Variants in AGAP1 observed in about 807,000 individuals in gnomAD.
AGAP1 encodes the protein ArfGAP with GTPase domain, ankyrin repeat and PH domain 1, also known as arf-GAP with GTPase, ANK repeat and PH domain-containing protein 1.
AGAP1 carries 29 observed loss-of-function variants against 105.3 expected under a neutral mutation model. That is an observed-to-expected ratio of 0.28 (90% confidence interval 0.21 to 0.38). AGAP1 has a LOEUF of 0.38. Among genes scored for constraint, AGAP1 ranks in the 10% least tolerant of loss-of-function variants. The pLI, the probability that AGAP1 is intolerant of heterozygous loss-of-function variation, is 1.00. For missense variants in AGAP1, 998 were observed against 1,165.1 expected (o/e 0.86, Z 2.09); for synonymous variants, 509 against 485.9 (o/e 1.05, Z -0.63).
chr2:235,932,470 T>C (rs2125161873), intron 12 of AGAP1, among the ~76,000 whole-genome samples: 1 of 152,344 alleles, frequency 6.6e-6, no homozygotes, highest in African/African-American at 2.4e-5. Flanking sequence ...TACTATTTGA[T>C]AAGGTTTCAT....
chr2:235,717,793 C>T (rs927691436), intron 3 of AGAP1, 149 bp downstream of exon 3: 1 of 678,576 alleles, frequency 1.5e-6, no homozygotes, highest in South Asian at 2.0e-5. Flanking sequence ...TATGTGGTTT[C>T]TTCTGTAGTA....
rs979479799 is a variant in AGAP1, at chr2:235,936,680, T to C, written c.1483+5757T>C. 2.0e-5 allele frequency among the ~76,000 whole-genome samples: 3 copies of C among 152,144 alleles called. No homozygotes were observed. Among genetic ancestry groups the C allele is most frequent in the Non-Finnish European group, 4.4e-5 (3 of 68,026 alleles). On this transcript the variant is annotated intron_variant, in intron 12 of 17. Transcript: ENST00000304032. The surrounding 1 kb of genome is among the most constrained non-coding windows in gnomAD (Gnocchi z 4.7). ...GTGTATGACCAGCAGGCGGCGGTAATGTGATACTGCCGGTCTCTGACCTGG... is the reference window on the plus strand; with the variant it reads ...GTGTATGACCAGCAGGCGGCGGTAACGTGATACTGCCGGTCTCTGACCTGG...
rs1242621830 is a variant in AGAP1, at chr2:236,000,795, CT to C, written c.1645+32173del. On this transcript the variant is annotated intron_variant, in intron 13 of 17. Transcript: ENST00000304032. This position sits in a 1 kb window ranked among gnomAD's most constrained non-coding sequence, Gnocchi z 4.3. ...CCACTAAGGGGGGCGGAGAAGACCCCTGACAGCAAGAAGGAGCCCCACTTGT... is the reference window on the plus strand; with the variant it reads ...CCACTAAGGGGGGCGGAGAAGACCCCGACAGCAAGAAGGAGCCCCACTTGT... 6.6e-6 allele frequency among the ~76,000 whole-genome samples: 1 copy of C among 152,228 alleles called. No individual in the cohort carries two copies.
At chr2:235,848,043 T>TG (rs1224240287) in intron 9 of AGAP1, among the ~76,000 whole-genome samples, 3 of 152,206 alleles carry the variant, frequency 2.0e-5, no homozygotes, top group Admixed American at 6.5e-5. Flanking sequence ...GAGTGATACC[T>TG]TTTTCTAGGC....
At chr2:235,653,324 T>C (rs1023980492) in intron 1 of AGAP1, among the ~76,000 whole-genome samples, 13 of 151,402 alleles carry the variant, frequency 8.6e-5, no homozygotes, top group African/African-American at 2.2e-4. Flanking sequence ...ATTAGCCTGG[T>C]GTGGTGGCGG....
intron 9 of AGAP1, among the ~76,000 whole-genome samples, chr2:235,825,170 G>C (rs1192978535): frequency 2.6e-5 from 4 of 152,240 alleles, no homozygotes; most frequent in African/African-American, 9.6e-5. Flanking sequence ...AGCCTCCCAG[G>C]CTTCCTGGAT....
At chr2:235,726,361 C>T (rs192720471) in intron 3 of AGAP1, among the ~76,000 whole-genome samples, 19 of 152,286 alleles carry the variant, frequency 1.2e-4, no homozygotes, top group South Asian at 2.1e-4. Flanking sequence ...AGAAACCTCA[C>T]GGCATCAGAT....
chr2:235,962,046 G>GGTTTT lies in AGAP1; in HGVS notation c.1484-6381_1484-6377dup, dbSNP rs72183486. 0.083 allele frequency among the ~76,000 whole-genome samples: 12,432 copies of GGTTTT among 150,590 alleles called. 620 individuals are homozygous for GGTTTT. Among genetic ancestry groups the GGTTTT allele is most frequent in the Middle Eastern group, 0.15 (45 of 292 alleles). ...CTTCTGATGGATGCTTTTGGTTTTT[G>GGTTTT]GTTTTGTTTTGTTTTGTTTTGTTTT... On this transcript the variant is annotated intron_variant, in intron 12 of 17. Coordinates refer to ENST00000304032, the MANE Select transcript of AGAP1 (RefSeq NM_001037131.3). The surrounding 1 kb of genome is among the most constrained non-coding windows in gnomAD (Gnocchi z 5.3).
Position 235,692,097 on chromosome 2 carries a change from G to A in AGAP1, c.164-17082G>A, listed in dbSNP as rs997869674. ...CAAAATAAATTCAGACCCCAAGTGCGCATATTGAGTTTGAATATTCATCTA... is the reference window on the plus strand; with the variant it reads ...CAAAATAAATTCAGACCCCAAGTGCACATATTGAGTTTGAATATTCATCTA... On this transcript the variant is annotated intron_variant, in intron 1 of 17. Coordinates refer to ENST00000304032, the MANE Select transcript of AGAP1 (RefSeq NM_001037131.3). This position sits in a 1 kb window ranked among gnomAD's most constrained non-coding sequence, Gnocchi z 5.8. 3.9e-5 allele frequency among the ~76,000 whole-genome samples: 6 copies of A among 152,090 alleles called. No homozygotes were observed. The highest frequency in any genetic ancestry group is 2.0e-4 in the Admixed American group (3 of 15,252).
chr2:235,777,147 A>T lies in AGAP1; in HGVS notation c.674-20612A>T. ...GCCAAGGCGGGTGGATCACGAGGTC[A>T]GGAGATCGAGACCATCCTGGCTAAC... is the stretch of plus-strand genomic sequence containing the variant. On this transcript the variant is annotated intron_variant, in intron 6 of 17. Transcript: ENST00000304032. The surrounding 1 kb of genome is among the most constrained non-coding windows in gnomAD (Gnocchi z 5.1). 1 of 444,304 alleles carries T rather than the reference A, an allele frequency of 2.3e-6. No homozygotes were observed. Among genetic ancestry groups the T allele is most frequent in the South Asian group, 1.7e-5 (1 of 59,636 alleles). 27.5% of individuals were successfully genotyped at this position (444,304 alleles called of 1,614,324 possible).
At position 235,720,578 on chromosome 2, in the gene AGAP1, C is replaced by T. The variant is rs1034523335; in HGVS notation, c.310+2934C>T. On this transcript the variant is annotated intron_variant, in intron 3 of 17. Coordinates refer to ENST00000304032, the MANE Select transcript of AGAP1 (RefSeq NM_001037131.3). This position sits in a 1 kb window ranked among gnomAD's most constrained non-coding sequence, Gnocchi z 5.0. ...TCTCATCAGACCTCCTTTCCTCTTA[C>T]AACTGCTAGAGCGATCAACTGGGCA... The T allele has an allele frequency of 1.0e-5, 8 of 790,140 alleles. No homozygotes were observed. The African/African-American group carries it at 1.3e-4, about 13-fold the overall frequency. 48.9% of individuals were successfully genotyped at this position (790,140 alleles called of 1,614,324 possible).
intron 9 of AGAP1, among the ~76,000 whole-genome samples, chr2:235,850,214 T>C (rs576904537): frequency 6.6e-6 from 1 of 152,338 alleles, no homozygotes; most frequent in Admixed American, 6.5e-5. Flanking sequence ...GAATGGAGAT[T>C]CTGGAAGGAA....
intron 16 of AGAP1, among the ~76,000 whole-genome samples, chr2:236,067,706 G>C (rs939390485): frequency 6.6e-6 from 1 of 152,230 alleles, no homozygotes; most frequent in African/African-American, 2.4e-5. Context: ...TCTTTTCTCT[G>C]TTCTGGGGAA....
rs2058647910 is a variant in AGAP1 at position 236,076,844 on chromosome 2, G to A, written c.2114+27563G>A. 6.6e-6 allele frequency among the ~76,000 whole-genome samples: 1 copy of A among 151,948 alleles called. No homozygotes were observed. Among genetic ancestry groups the A allele is most frequent in the African/African-American group, 2.4e-5 (1 of 41,378 alleles). ...AAATAGTCCCAGCACAGGGTCTCAT[G>A]CCTGTAATCCCAGCACTTTGGGAGG... On this transcript the variant is annotated intron_variant, in intron 16 of 17. Transcript: ENST00000304032. The surrounding 1 kb of genome is among the most constrained non-coding windows in gnomAD (Gnocchi z 4.4).
chr2:235,499,619 C>G (rs903933669), intron 1 of AGAP1, among the ~76,000 whole-genome samples: 2 of 152,172 alleles, frequency 1.3e-5, no homozygotes, highest in Non-Finnish European at 2.9e-5. Flanking sequence ...CTTACTCATG[C>G]TTCTCAGTTG....
intron 6 of AGAP1, among the ~76,000 whole-genome samples, chr2:235,779,616 C>A (rs1363022433): frequency 2.0e-5 from 3 of 152,226 alleles, no homozygotes; most frequent in Non-Finnish European, 2.9e-5. Context: ...GATGGCAGTA[C>A]CGCCCTGGCT....
intron 9 of AGAP1, among the ~76,000 whole-genome samples, chr2:235,820,383 A>G (rs1958723761): frequency 6.6e-6 from 1 of 152,194 alleles, no homozygotes; most frequent in Admixed American, 6.5e-5. Context: ...TTAATCTGCA[A>G]AGAAGAAAGC....
chr2:235,879,501 G>A lies in AGAP1; in HGVS notation c.1051-3844G>A, dbSNP rs2049906236. On this transcript the variant is annotated intron_variant, in intron 9 of 17. Coordinates refer to ENST00000304032, the MANE Select transcript of AGAP1 (RefSeq NM_001037131.3). This position sits in a 1 kb window ranked among gnomAD's most constrained non-coding sequence, Gnocchi z 5.0. ...CCTATAATCCAAGATTATCCCCCCT[G>A]GCAAGACGTAGAGTTTAAGTTAAGT... Among the ~76,000 whole-genome samples, 1 of 152,180 alleles carries A rather than the reference G, an allele frequency of 6.6e-6. No homozygotes were observed. Among genetic ancestry groups the A allele is most frequent in the Non-Finnish European group, 1.5e-5 (1 of 68,038 alleles).
intron 1 of AGAP1, among the ~76,000 whole-genome samples, chr2:235,680,491 T>A (rs920093947): frequency 3.3e-5 from 5 of 152,082 alleles, no homozygotes; most frequent in African/African-American, 1.2e-4. Flanking sequence ...CCCCCATCTC[T>A]GTTCTGTGGC....
Sources: allele counts gnomAD v4.1 joint callset (sites outside exome capture counted in the v4.1 genomes callset), GRCh38; gene constraint gnomAD v4.1.1; non-coding constraint Gnocchi (gnomAD v3.1); transcripts MANE v1.5; gene names NCBI Gene and HGNC (gene_info 2026-07-23, HGNC 2026-07-21).